Variants in PGR observed in about 807,000 individuals in gnomAD.
PGR encodes the protein progesterone receptor, also known as nuclear receptor subfamily 3 group C member 3.
In PGR, 25 loss-of-function variants were observed where a neutral mutation model predicts 76.1. That is an observed-to-expected ratio of 0.33 (90% confidence interval 0.24 to 0.46). The LOEUF is 0.46. Ranked by LOEUF, PGR falls within the 20% of genes least tolerant of loss-of-function variation. The probability of loss-of-function intolerance (pLI) is 1.00; values close to 1 mark genes in which losing one functional copy is unlikely to be tolerated. For missense variants in PGR, 1,172 were observed against 1,225.3 expected (o/e 0.96, Z 0.65); for synonymous variants, 579 against 535.0 (o/e 1.08, Z -1.14).
chr11:101,055,598 G>T (rs1458416538), intron 4 of PGR, among the ~76,000 whole-genome samples: 1 of 151,654 alleles, frequency 6.6e-6, no homozygotes, highest in Admixed American at 6.6e-5. Context: ...TTAAATATTT[G>T]ACTTAACTAT....
chr11:101,127,934 G>C lies in PGR; in HGVS notation c.1137C>G (p.Asp379Glu). The change falls in exon 1 of 8, where the codon GAC (aspartate) becomes GAG (glutamate). Residue 379 changes from aspartate (D) to glutamate (E), a missense_variant. Physicochemically the swap from Asp to Glu is conservative, Grantham distance 45. Around this residue, in one of 4 missense-constraint regions of PGR, gnomAD observed 893 missense variants for 785.9 expected, o/e 1.14. Coordinates refer to ENST00000325455, the MANE Select transcript of PGR (RefSeq NM_000926.4). ...PKDDAYPLYS[D>E]FQPPALKIKE... Reference sequence around the variant, plus strand: ...TTATCTTTAGAGCGGGCGGCTGGAAGTCGCTATAGAGAGGGTACGCGTCGT... The same window carrying C: ...TTATCTTTAGAGCGGGCGGCTGGAACTCGCTATAGAGAGGGTACGCGTCGT... 1 of 1,611,940 alleles carries C rather than the reference G, an allele frequency of 6.2e-7. No individual in the cohort carries two copies. Among genetic ancestry groups the C allele is most frequent in the Non-Finnish European group, 8.5e-7 (1 of 1,179,822 alleles).
At chr11:101,124,851 T>C (rs1862789421) in intron 2 of PGR, among the ~76,000 whole-genome samples, 1 of 152,146 alleles carries the variant, frequency 6.6e-6, no homozygotes, top group South Asian at 2.1e-4. Flanking sequence ...CCCCTAAAGC[T>C]GAATATGTTC....
intron 5 of PGR, chr11:101,050,966 T>C: frequency 4.0e-6 from 1 of 249,588 alleles, no homozygotes; most frequent in Non-Finnish European, 8.0e-6. Flanking sequence ...AGATTCTTAT[T>C]CAGTTAAAGG....
At chr11:101,120,287 G>C (rs1409874160) in intron 2 of PGR, among the ~76,000 whole-genome samples, 1 of 152,206 alleles carries the variant, frequency 6.6e-6, no homozygotes, top group Non-Finnish European at 1.5e-5. Flanking sequence ...CCCAGCACAA[G>C]CAACTTTTAA....
chr11:101,080,844 G>A (rs476538), intron 3 of PGR, among the ~76,000 whole-genome samples: 9,929 of 151,970 alleles, frequency 0.065, 469 homozygotes, highest in Middle Eastern at 0.12. Context: ...TTTGAAATTC[G>A]TTATCAATAG....
In PGR at chr11:101,129,639, C is replaced by T. The variant is rs2008112; in HGVS notation, c.-569G>A. 6.4e-3 allele frequency: 1,160 copies of T among 182,142 alleles called. 52 individuals are homozygous for T. Among genetic ancestry groups the T allele is most frequent in the Admixed American group, 0.064 (1,017 of 15,972 alleles). The allele number at this position is 182,142 out of a possible 1,614,324, so 11.3% of individuals were successfully genotyped here. ...GGAAGGGTCGGACTTCTGCTGGCTC[C>T]GTACTGCGGGCGACAGTCATCTCCG... On this transcript the variant is annotated 5_prime_UTR_variant, in exon 1 of 8. Transcript: ENST00000325455.
chr11:101,042,212 G>T, intron 6 of PGR, 110 bp from the exon 7 acceptor site: 1 of 1,023,866 alleles, frequency 9.8e-7, no homozygotes. Flanking sequence ...CATGACTCTA[G>T]AAAAAAAACA....
In PGR at chr11:101,034,987, T is replaced by C. The variant is rs1393316565; in HGVS notation, c.*4129A>G. ...GGTGATGTTCTTTTCATTAAAATGA[T>C]TTCATGACTTAGTGAAGTAAGGATA... On this transcript the variant is annotated 3_prime_UTR_variant, in exon 8 of 8. Transcript: ENST00000325455. The C allele has an allele frequency of 5.1e-6, 1 of 195,286 alleles. No homozygotes were observed. The highest frequency in any genetic ancestry group is 1.1e-5 in the Non-Finnish European group (1 of 94,044). The allele number at this position is 195,286 out of a possible 1,614,324, so 12.1% of individuals were successfully genotyped here. A position where few individuals can be genotyped will look rare whatever the true frequency, so the allele number is the denominator to read the frequency against.
Position 101,128,965 on chromosome 11 carries a change from A to G in PGR, c.106T>C (p.Phe36Leu). The G allele has an allele frequency of 6.2e-7, 1 of 1,605,486 alleles. No homozygotes were observed. The highest frequency in any genetic ancestry group is 8.5e-7 in the Non-Finnish European group (1 of 1,174,972). ...GTGTCCGAGGTCTGGCTCCCCGGGA[A>G]CGGACCTGCGGCTGGGCGACACAGC... ...PLLCRPAAGP[F>L]PGSQTSDTLP... Residue 36 changes from phenylalanine to leucine, a missense_variant, in exon 1 of 8, where the codon TTC (phenylalanine) becomes CTC (leucine). Coordinates refer to ENST00000325455, the MANE Select transcript of PGR (RefSeq NM_000926.4).
intron 2 of PGR, among the ~76,000 whole-genome samples, chr11:101,118,554 A>G (rs964079195): frequency 7.2e-5 from 11 of 152,206 alleles, no homozygotes; most frequent in Admixed American, 7.2e-4. Flanking sequence ...TTAAAATGTC[A>G]TATAAAGTAC....
chr11:101,066,968 T>C (rs935804983), intron 3 of PGR, among the ~76,000 whole-genome samples: 3 of 152,220 alleles, frequency 2.0e-5, no homozygotes, highest in Admixed American at 6.5e-5. Context: ...AATCAGACTA[T>C]GTCATTCTTG....
At chr11:101,081,070 A>G (rs1235183250) in intron 3 of PGR, among the ~76,000 whole-genome samples, 1 of 152,242 alleles carries the variant, frequency 6.6e-6, no homozygotes, top group African/African-American at 2.4e-5. Flanking sequence ...GGAATAATTC[A>G]AGAAAACTTT....
At chr11:101,075,157 A>G (rs1007945658) in intron 3 of PGR, among the ~76,000 whole-genome samples, 1 of 152,212 alleles carries the variant, frequency 6.6e-6, no homozygotes, top group Non-Finnish European at 1.5e-5. Flanking sequence ...CAGAGGCCTC[A>G]GAAATAATGC....
In PGR at chr11:101,128,059, C is replaced by G; in HGVS notation, c.1012G>C (p.Ala338Pro). The part of the protein sequence containing the change: ...SYDGGAGAAS[A>P]FAPPRSSPCA... ...GGTGAACTCCGCGGCGGGGCAAAGGCGCTGGCAGCCCCGGCCCCGCCGTCG... is the reference window on the plus strand; with the variant it reads ...GGTGAACTCCGCGGCGGGGCAAAGGGGCTGGCAGCCCCGGCCCCGCCGTCG... Residue 338 changes from alanine (A) to proline (P), a missense_variant, in exon 1 of 8, where the codon GCC becomes CCC. By Grantham distance (27) the Ala-to-Pro change is conservative (BLOSUM62 -1). Coordinates refer to ENST00000325455, the MANE Select transcript of PGR (RefSeq NM_000926.4). 1 of 1,602,622 alleles carries G rather than the reference C, an allele frequency of 6.2e-7. No individual in the cohort carries two copies. Among genetic ancestry groups the G allele is most frequent in the Non-Finnish European group, 8.5e-7 (1 of 1,179,588 alleles).
intron 3 of PGR, among the ~76,000 whole-genome samples, chr11:101,086,200 CA>C (rs2135448420): frequency 6.6e-6 from 1 of 152,218 alleles, no homozygotes; most frequent in South Asian, 2.1e-4. Flanking sequence ...AAATTCTCAA[CA>C]AAACACTAGC....
intron 3 of PGR, among the ~76,000 whole-genome samples, chr11:101,088,432 T>C (rs1861566686): frequency 1.3e-5 from 2 of 152,060 alleles, no homozygotes; most frequent in Admixed American, 6.5e-5. Flanking sequence ...CCCAGGTTCA[T>C]GCCATTCTCC....
intron 3 of PGR, among the ~76,000 whole-genome samples, chr11:101,076,598 A>G (rs1467277370): frequency 6.6e-6 from 1 of 152,100 alleles, no homozygotes; most frequent in Non-Finnish European, 1.5e-5. Flanking sequence ...TTCTTGATGT[A>G]TATGTGACTG....
chr11:101,040,714 C>T (rs888046654), intron 7 of PGR, among the ~76,000 whole-genome samples: 2 of 152,008 alleles, frequency 1.3e-5, no homozygotes, highest in Non-Finnish European at 2.9e-5. Context: ...TACAATTTTA[C>T]AATAATGTAC....
intron 2 of PGR, among the ~76,000 whole-genome samples, chr11:101,101,446 T>C (rs983524955): frequency 3.3e-5 from 5 of 152,308 alleles, no homozygotes; most frequent in Middle Eastern, 3.4e-3. Context: ...CCAGATTGCC[T>C]CTTGGAAGAG....
Sources: allele counts gnomAD v4.1 joint callset (sites outside exome capture counted in the v4.1 genomes callset), GRCh38; gene constraint gnomAD v4.1.1; regional missense constraint gnomAD v4.1.1; transcripts MANE v1.5; gene names NCBI Gene and HGNC (gene_info 2026-07-23, HGNC 2026-07-21).